ADK: variants seen among roughly 807,000 people sequenced by gnomAD.
The protein encoded by ADK is adenosine kinase, also known as N6,N6-dimethyladenosine kinase.
ADK carries 24 observed loss-of-function variants against 44.7 expected under a neutral mutation model. The observed-to-expected ratio is 0.54, with a 90% CI of 0.39 to 0.76. ADK has a LOEUF of 0.76. Among genes scored for constraint, ADK ranks in the 30% least tolerant of loss-of-function variants. The pLI is 0.00. For missense variants in ADK, 321 were observed against 425.1 expected (o/e 0.76, Z 2.15); for synonymous variants, 128 against 142.6 (o/e 0.90, Z 0.73).
intron 7 of ADK, among the ~76,000 whole-genome samples, chr10:74,537,410 C>G (rs1849491091): frequency 6.6e-6 from 1 of 152,156 alleles, no homozygotes; most frequent in Non-Finnish European, 1.5e-5. Flanking sequence ...TTGAAATTTT[C>G]CCTTCAGCAA....
chr10:74,575,439 A>G (rs1210744738), intron 7 of ADK, among the ~76,000 whole-genome samples: 1 of 152,220 alleles, frequency 6.6e-6, no homozygotes, highest in African/African-American at 2.4e-5. Flanking sequence ...AGGAGAGAAC[A>G]TGAACAATTC....
In ADK at chr10:74,414,199, C is replaced by A. The variant is rs924317722; in HGVS notation, c.555+15620C>A. ...ATACTCAAGGCAGGCTTGCCATAAA[C>A]CTTCGATTTGTAAAAAAAAATAATA... On this transcript the variant is annotated intron_variant, in intron 6 of 10. Transcript: ENST00000539909. 3.9e-5 allele frequency among the ~76,000 whole-genome samples: 6 copies of A among 152,014 alleles called. No individual in the cohort carries two copies. In the South Asian group the frequency reaches 1.2e-3, roughly 32 times the overall value.
chr10:74,171,810 C>CTGTCTCTCTG (rs1842168043), intron 1 of ADK, among the ~76,000 whole-genome samples: 4 of 143,994 alleles, frequency 2.8e-5, no homozygotes, highest in Non-Finnish European at 4.6e-5. Context: ...CTCTGTCTCT[C>CTGTCTCTCTG]TGTGTGTGTG....
At chr10:74,238,518 A>G (rs1231186203) in intron 3 of ADK, among the ~76,000 whole-genome samples, 2 of 152,204 alleles carry the variant, frequency 1.3e-5, no homozygotes, top group Admixed American at 6.5e-5. Flanking sequence ...TACCTTGTGC[A>G]CTAAAAAAAT....
At chr10:74,273,095 TCAAGGAAG>T (rs1170626943) in intron 3 of ADK, among the ~76,000 whole-genome samples, 3 of 151,924 alleles carry the variant, frequency 2.0e-5, no homozygotes, top group Admixed American at 6.6e-5. Context: ...TGATCCTCCT[TCAAGGAAG>T]AATTGTGGCC....
Position 74,394,316 on chromosome 10 carries a change from C to G in ADK, c.446+3C>G. 5 of 1,613,438 alleles carry G rather than the reference C, an allele frequency of 3.1e-6. No homozygotes were observed. The highest frequency in any genetic ancestry group is 4.2e-6 in the Non-Finnish European group (5 of 1,179,816). On this transcript the variant is annotated splice_donor_region_variant and intron_variant, in intron 5 of 10. Transcript: ENST00000539909. ...GCATGCATCACTGGTGACAACAGGT[C>G]AGTGTAATTCCAAGGGAACCACTAT...
At chr10:74,460,545 T>G (rs1261931823) in intron 6 of ADK, among the ~76,000 whole-genome samples, 4 of 152,230 alleles carry the variant, frequency 2.6e-5, no homozygotes, top group Non-Finnish European at 5.9e-5. Flanking sequence ...GATGGAGAGA[T>G]TCCTATTGAA....
intron 9 of ADK, among the ~76,000 whole-genome samples, chr10:74,617,402 C>T (rs1158797567): frequency 6.6e-6 from 1 of 152,066 alleles, no homozygotes; most frequent in Non-Finnish European, 1.5e-5. Flanking sequence ...TTTTAAAAAT[C>T]ATGAATAGTT....
chr10:74,164,558 T>A (rs1206344845), intron 1 of ADK, among the ~76,000 whole-genome samples: 2 of 152,084 alleles, frequency 1.3e-5, no homozygotes, highest in Admixed American at 6.6e-5. Flanking sequence ...ATTTGTCCTT[T>A]TTTTTTGGGA....
intron 2 of ADK, among the ~76,000 whole-genome samples, chr10:74,220,807 C>G (rs1036661919): frequency 2.0e-5 from 3 of 152,110 alleles, no homozygotes; most frequent in African/African-American, 7.2e-5. Flanking sequence ...AGGCCTTTAA[C>G]AAAATTTAAC....
intron 10 of ADK, among the ~76,000 whole-genome samples, chr10:74,680,900 G>T (rs1194119646): frequency 6.6e-6 from 1 of 152,086 alleles, no homozygotes; most frequent in African/African-American, 2.4e-5. Flanking sequence ...ATAGAATTTA[G>T]ATATATTTCT....
chr10:74,694,147 ATTTTTTTT>A (rs10669118), intron 10 of ADK, among the ~76,000 whole-genome samples: 5 of 82,312 alleles, frequency 6.1e-5, no homozygotes, highest in Non-Finnish European at 8.5e-5. Flanking sequence ...TTTCAAACAC[ATTTTTTTT>A]TTTTTTTTTT....
At chr10:74,531,607 C>T (rs960697295) in intron 7 of ADK, among the ~76,000 whole-genome samples, 1 of 152,176 alleles carries the variant, frequency 6.6e-6, no homozygotes, top group Non-Finnish European at 1.5e-5. Context: ...AATCATGTCT[C>T]ACTGCAAGCT....
chr10:74,484,823 C>T (rs776654250), intron 6 of ADK, among the ~76,000 whole-genome samples: 29 of 152,072 alleles, frequency 1.9e-4, no homozygotes, highest in East Asian at 1.4e-3. Flanking sequence ...AATGGTGCTG[C>T]GATAATTATT....
chr10:74,315,367 A>G (rs1017197538), intron 4 of ADK, among the ~76,000 whole-genome samples: 5 of 152,132 alleles, frequency 3.3e-5, no homozygotes, highest in African/African-American at 1.2e-4. Flanking sequence ...ATACCGGTGT[A>G]TATCTTTTAT....
intron 6 of ADK, among the ~76,000 whole-genome samples, chr10:74,524,650 C>G (rs923806577): frequency 6.6e-6 from 1 of 152,184 alleles, no homozygotes; most frequent in Non-Finnish European, 1.5e-5. Context: ...ACCTTGGCCT[C>G]CCAAAGTGCT....
chr10:74,247,696 TA>T (rs764034400), intron 3 of ADK, among the ~76,000 whole-genome samples: 1 of 152,174 alleles, frequency 6.6e-6, no homozygotes, highest in Non-Finnish European at 1.5e-5. Flanking sequence ...GGTGTTTTTT[TA>T]AACTCAAAAA....
intron 10 of ADK, among the ~76,000 whole-genome samples, chr10:74,678,745 G>C (rs1332314857): frequency 6.6e-6 from 1 of 152,196 alleles, no homozygotes; most frequent in East Asian, 1.9e-4. Flanking sequence ...AATGTAGTAA[G>C]TAAAATTTCT....
At chr10:74,589,988 C>T (rs1279370767) in intron 8 of ADK, among the ~76,000 whole-genome samples, 1 of 152,052 alleles carries the variant, frequency 6.6e-6, no homozygotes, top group African/African-American at 2.4e-5. Flanking sequence ...AAGTGTTATC[C>T]TGTCAAGATT....
Sources: allele counts gnomAD v4.1 joint callset (sites outside exome capture counted in the v4.1 genomes callset), GRCh38; gene constraint gnomAD v4.1.1; transcripts MANE v1.5; gene names NCBI Gene and HGNC (gene_info 2026-07-23, HGNC 2026-07-21).